The following EPB41L1 variants were observed in gnomAD, a reference collection of about 807,000 sequenced individuals.
The protein encoded by EPB41L1 is erythrocyte membrane protein band 4.1 like 1.
In EPB41L1, 29 loss-of-function variants were observed where a neutral mutation model predicts 97.8. The observed-to-expected ratio is 0.30, with a 90% CI of 0.22 to 0.40. The LOEUF is 0.40. EPB41L1 is among the 10% of genes least tolerant of loss of function. The pLI is 1.00. For missense variants in EPB41L1, 812 were observed against 1,162.3 expected (o/e 0.70, Z 4.38); for synonymous variants, 383 against 459.2 (o/e 0.83, Z 2.12).
Position 36,178,626 on chromosome 20 carries a change from T to C in EPB41L1, c.448-4T>C. On this transcript the variant is annotated splice_region_variant and splice_polypyrimidine_tract_variant and intron_variant, in intron 4 of 21. Coordinates refer to ENST00000338074, the MANE Select transcript of EPB41L1 (RefSeq NM_012156.2). ...CCTCTGAAGATCTCTATCTTTTCTT[T>C]TAGAACTGGCTGGACCCCTCCAAGG... is the stretch of plus-strand genomic sequence containing the variant. The C allele has an allele frequency of 6.2e-7, 1 of 1,614,132 alleles. No individual in the cohort carries two copies. The highest frequency in any genetic ancestry group is 1.6e-4 in the Middle Eastern group (1 of 6,062).
chr20:36,154,152 TA>T (rs149553784), upstream of EPB41L1, among the ~76,000 whole-genome samples: 3,783 of 152,152 alleles, frequency 0.025, 169 homozygotes, highest in African/African-American at 0.087. This position sits in a 1 kb window ranked among gnomAD's most constrained non-coding sequence, Gnocchi z 5.5. Context: ...GAGACAGTTG[TA>T]ATACCTCCTC....
rs551535235 is a variant in EPB41L1, at chr20:36,165,806, T to C, written c.-14-7958T>C. Reference sequence around the variant, plus strand: ...GTTCTGAGTTCAGCTCTTCCCAGTATATTTCCTTTTCAATCTTGGGAAGTC... The same window carrying C: ...GTTCTGAGTTCAGCTCTTCCCAGTACATTTCCTTTTCAATCTTGGGAAGTC... On this transcript the variant is annotated intron_variant, in intron 1 of 21. Transcript: ENST00000338074. 3.3e-5 allele frequency among the ~76,000 whole-genome samples: 5 copies of C among 152,342 alleles called. No homozygotes were observed. The South Asian group carries it at 1.0e-3, about 32-fold the overall frequency.
chr20:36,221,951 G>A lies in EPB41L1; in HGVS notation c.2520+7G>A, dbSNP rs752330214. On this transcript the variant is annotated splice_region_variant and intron_variant, in intron 20 of 21. Coordinates refer to ENST00000338074, the MANE Select transcript of EPB41L1 (RefSeq NM_012156.2). ...AGATGTCGATCAAGACCAGGTATGG[G>A]GGTAGCAACCGTTCTTCCCAGTGCC... is the stretch of plus-strand genomic sequence containing the variant. The A allele has an allele frequency of 1.2e-6, 2 of 1,614,058 alleles. No homozygotes were observed. Among genetic ancestry groups the A allele is most frequent in the Admixed American group, 3.3e-5 (2 of 60,024 alleles).
chr20:36,200,734 C>A, intron 14 of EPB41L1: 1 of 374,212 alleles, frequency 2.7e-6, no homozygotes, highest in Non-Finnish European at 5.3e-6. Flanking sequence ...AGATATGGGA[C>A]TTAAAAAGCT....
rs767889507 is a variant in EPB41L1 at position 36,190,781 on chromosome 20, C to T, written c.1284C>T (p.Ser428=). ...CTTCCAGCAAACGGTACACCATGTC[C>T]CGCAGCCTTGATGGAGGTATGGCCC... The part of the protein sequence containing the change: ...ERSSSKRYTM[S]RSLDGAEFSR... The change falls in exon 11 of 22, where the codon TCC becomes TCT. Residue 428 remains serine (S), a synonymous_variant. Transcript: ENST00000338074. This position sits in a 1 kb window ranked among gnomAD's most constrained non-coding sequence, Gnocchi z 5.8. 1 of 1,614,008 alleles carries T rather than the reference C, an allele frequency of 6.2e-7. No individual in the cohort carries two copies. The highest frequency in any genetic ancestry group is 1.1e-5 in the South Asian group (1 of 91,074).
intron 5 of EPB41L1, among the ~76,000 whole-genome samples, chr20:36,180,397 C>G (rs967956117): frequency 6.6e-6 from 1 of 152,204 alleles, no homozygotes; most frequent in South Asian, 2.1e-4. Flanking sequence ...CTGGGACAAG[C>G]TTTCCACCCC....
intron 1 of EPB41L1, among the ~76,000 whole-genome samples, chr20:36,169,438 T>C (rs1475579387): frequency 6.6e-6 from 1 of 152,116 alleles, no homozygotes; most frequent in Non-Finnish European, 1.5e-5. Context: ...TGGGCCTGGC[T>C]GGCAGCAACG....
At chr20:36,141,490 C>T (rs1428973819) in intron 2 of EPB41L1, among the ~76,000 whole-genome samples, 3 of 152,078 alleles carry the variant, frequency 2.0e-5, no homozygotes, top group Non-Finnish European at 2.9e-5. Flanking sequence ...TAGTGAAACT[C>T]CAGGGAACAA....
At chr20:36,107,108 A>G (rs2058214967) in intron 1 of EPB41L1, among the ~76,000 whole-genome samples, 1 of 151,918 alleles carries the variant, frequency 6.6e-6, no homozygotes, top group South Asian at 2.1e-4. Flanking sequence ...TTTATTTAAT[A>G]TTTAATTTTA....
At chr20:36,189,922 C>T (rs927060044) in intron 9 of EPB41L1, among the ~76,000 whole-genome samples, 5 of 152,152 alleles carry the variant, frequency 3.3e-5, no homozygotes, top group Non-Finnish European at 5.9e-5. Context: ...GAATGACTCA[C>T]GTCTGTAATC....
rs978518020 is a variant in EPB41L1 at position 36,168,660 on chromosome 20, G to A, written c.-14-5104G>A. On this transcript the variant is annotated intron_variant, in intron 1 of 21. Transcript: ENST00000338074. Reference sequence around the variant, plus strand: ...TTCTCCTGCCTCAGCCTCCTGAGTAGCTGGGATTACAGCCTCCCGAGTAGC... The same window carrying A: ...TTCTCCTGCCTCAGCCTCCTGAGTAACTGGGATTACAGCCTCCCGAGTAGC... Among the ~76,000 whole-genome samples, 5 of 151,768 alleles carry A rather than the reference G, an allele frequency of 3.3e-5. No homozygotes were observed. The South Asian group carries it at 6.2e-4, about 19-fold the overall frequency.
At chr20:36,177,845 C>T (rs564259021) in intron 3 of EPB41L1, 107 bp from the exon 4 acceptor site, 32 of 904,098 alleles carry the variant, frequency 3.5e-5, no homozygotes, top group African/African-American at 2.6e-4. Flanking sequence ...GTCCAGACAC[C>T]GAAAGGCCCT....
At chr20:36,188,637 CACACAG>C (rs1366115981) in intron 9 of EPB41L1, 138 bp downstream of exon 9, 416 of 465,308 alleles carry the variant, frequency 8.9e-4, no homozygotes, top group Middle Eastern at 2.9e-3. Context: ...CACACACACA[CACACAG>C]AGAGAGAGAG....
At chr20:36,159,400 A>T (rs1317082339) in intron 1 of EPB41L1, among the ~76,000 whole-genome samples, 1 of 152,110 alleles carries the variant, frequency 6.6e-6, no homozygotes, top group Admixed American at 6.6e-5. Flanking sequence ...CCACAGAAAA[A>T]CTGCTTGCAG....
intron 6 of EPB41L1, among the ~76,000 whole-genome samples, chr20:36,182,586 G>A (rs764541202): frequency 9.2e-5 from 14 of 152,230 alleles, no homozygotes; most frequent in Non-Finnish European, 2.1e-4. Context: ...ACAGGGAACT[G>A]TGGGGCCTTT....
At position 36,100,048 on chromosome 20, in the gene EPB41L1, G is replaced by A. The variant is rs1237931977; in HGVS notation, c.-65+8436G>A. 3.9e-5 allele frequency among the ~76,000 whole-genome samples: 6 copies of A among 152,220 alleles called. No individual in the cohort carries two copies. In the East Asian group the frequency reaches 1.2e-3, roughly 29 times the overall value. On this transcript the variant is annotated intron_variant, in intron 1 of 19. Transcript: ENST00000202028. ...TCTGGTGGGAGGGCCACCATGCGGG[G>A]CTCTGGAGTCTAGATGTAACCCAAG...
chr20:36,180,967 C>G (rs940519583), intron 5 of EPB41L1, among the ~76,000 whole-genome samples: 1 of 152,146 alleles, frequency 6.6e-6, no homozygotes, highest in African/African-American at 2.4e-5. Context: ...GTGACATAAC[C>G]TCTCAGAATT....
In EPB41L1 at chr20:36,207,599, A is replaced by T. The variant is rs2062895831; in HGVS notation, c.1669-1889A>T. 7.8e-7 allele frequency: 1 copy of T among 1,289,994 alleles called. No individual in the cohort carries two copies. Among genetic ancestry groups the T allele is most frequent in the Admixed American group, 2.3e-5 (1 of 43,572 alleles). The allele number at this position is 1,289,994 out of a possible 1,614,324, so 79.9% of individuals were successfully genotyped here. The stretch of plus-strand genomic sequence containing the variant: ...ACGCTCTCAGACCTGGGCTTCGCCC[A>T]ACTCCAGCCCCCAGGGGACTTTGCC... On this transcript the variant is annotated intron_variant, in intron 14 of 21. Transcript: ENST00000338074. This position sits in a 1 kb window ranked among gnomAD's most constrained non-coding sequence, Gnocchi z 4.9.
At chr20:36,107,284 GA>G (rs2058223301) in intron 1 of EPB41L1, among the ~76,000 whole-genome samples, 1 of 140,628 alleles carries the variant, frequency 7.1e-6, no homozygotes, top group Admixed American at 7.5e-5. Context: ...GCAATGGCAT[GA>G]TCTCAGCTCA....
Sources: gnomAD v4.1 joint callset for allele counts (sites outside exome capture counted in the v4.1 genomes callset) on GRCh38, gnomAD v4.1.1 for gene constraint, Gnocchi (gnomAD v3.1) non-coding constraint, MANE v1.5 for transcripts, NCBI Gene and HGNC (gene_info 2026-07-23, HGNC 2026-07-21) for gene names.